Variants in LIMK2 observed in about 807,000 individuals in gnomAD.
LIMK2 encodes LIM domain kinase 2.
LIMK2 carries 35 observed loss-of-function variants against 75.7 expected under a neutral mutation model. The observed-to-expected ratio is 0.46, with a 90% CI of 0.35 to 0.61. The LOEUF is 0.61. Among genes scored for constraint, LIMK2 ranks in the 20% least tolerant of loss-of-function variants. LIMK2 has a pLI of 0.00. For synonymous variants in LIMK2, 301 were observed against 319.2 expected, an observed-to-expected ratio of 0.94 and a Z score of 0.61; for missense variants, 623 against 831.0, an observed-to-expected ratio of 0.75 and a Z score of 3.08.
chr22:31,266,093 G>A lies in LIMK2; in HGVS notation c.1002G>A (p.Gly334=). 1 of 1,614,214 alleles carries A rather than the reference G, an allele frequency of 6.2e-7. No individual in the cohort carries two copies. Among genetic ancestry groups the A allele is most frequent in the African/African-American group, 1.3e-5 (1 of 75,046 alleles). ...QIFRPCDLIH[G]EVLGKGFFGQ... is the part of the protein sequence containing the mutation. ...TCCGGCCCTGTGACCTAATCCATGG[G>A]GAGGTCCTGGGGAAGGGCTTCTTTG... Residue 334 remains glycine, a synonymous_variant, in exon 8 of 16, where the codon GGG becomes GGA. Coordinates refer to ENST00000331728, the MANE Select transcript of LIMK2 (RefSeq NM_005569.4).
At chr22:31,236,707 A>G (rs2123793848) in intron 2 of LIMK2, among the ~76,000 whole-genome samples, 1 of 151,048 alleles carries the variant, frequency 6.6e-6, no homozygotes, top group African/African-American at 2.4e-5. Flanking sequence ...TGAGGTCAGG[A>G]GATCGAGACT....
intron 12 of LIMK2, among the ~76,000 whole-genome samples, 179 bp downstream of exon 12, chr22:31,271,380 A>G (rs1195885252): frequency 6.6e-6 from 1 of 152,144 alleles, no homozygotes; most frequent in Non-Finnish European, 1.5e-5. Context: ...TCCGAGACAC[A>G]CACAGACATA....
intron 2 of LIMK2, among the ~76,000 whole-genome samples, chr22:31,237,396 T>C (rs978097685): frequency 1.3e-5 from 2 of 150,102 alleles, no homozygotes; most frequent in African/African-American, 4.9e-5. Context: ...AAACCTTGTC[T>C]CTACTAAAAT....
chr22:31,251,759 A>G (rs1044313144), intron 2 of LIMK2, among the ~76,000 whole-genome samples: 1 of 152,164 alleles, frequency 6.6e-6, no homozygotes, highest in Non-Finnish European at 1.5e-5. Context: ...TAATAAAGGG[A>G]TTTTTGACTG....
chr22:31,222,845 C>T (rs549647068), intron 1 of LIMK2: 2 of 152,008 alleles, frequency 1.3e-5, no homozygotes, highest in African/African-American at 4.8e-5. Flanking sequence ...GCTGCTGAAG[C>T]GAGAGTACCA....
intron 11 of LIMK2, 120 bp from the exon 12 acceptor site, chr22:31,271,016 G>A: frequency 1.2e-6 from 1 of 834,846 alleles, no homozygotes; most frequent in South Asian, 1.4e-5. Context: ...TGTTGTCCAG[G>A]TTGGGTTCTG....
At chr22:31,213,817 C>CTTTTTTTTTTTTTTT (rs71689139) in intron 1 of LIMK2, among the ~76,000 whole-genome samples, 2 of 145,332 alleles carry the variant, frequency 1.4e-5, no homozygotes, top group Non-Finnish European at 3.0e-5. Flanking sequence ...TTTCCAGTAA[C>CTTTTTTTTTTTTTTT]TTTTTTTTTT....
At chr22:31,213,053 G>C (rs935880117) in intron 1 of LIMK2, among the ~76,000 whole-genome samples, 1 of 152,060 alleles carries the variant, frequency 6.6e-6, no homozygotes, top group Non-Finnish European at 1.5e-5. Flanking sequence ...GGAGAGATCG[G>C]ACCATTCTTT....
intron 5 of LIMK2, 22 bp downstream of exon 5, chr22:31,260,099 C>G (rs2048823958): frequency 5.9e-6 from 9 of 1,530,154 alleles, no homozygotes; most frequent in Non-Finnish European, 7.9e-6. Context: ...GAGAACCCTT[C>G]AGCAGGGGTT....
In LIMK2 at chr22:31,258,131, C is replaced by A. The variant is rs569669508; in HGVS notation, c.117-160C>A. Among the ~76,000 whole-genome samples the A allele has an allele frequency of 7.9e-5, 12 of 152,308 alleles. No individual in the cohort carries two copies. In the South Asian group the frequency reaches 2.5e-3, roughly 32 times the overall value. On this transcript the variant is annotated intron_variant, in intron 2 of 15. Transcript: ENST00000331728. ...TGGGGCCTTGTTCAGTCTGAACCAG[C>A]TTCCCTTGGGGAGATAGCACAAGGC... is the stretch of plus-strand genomic sequence containing the variant.
chr22:31,231,749 G>A (rs1472362172), intron 2 of LIMK2, among the ~76,000 whole-genome samples: 3 of 152,180 alleles, frequency 2.0e-5, no homozygotes, highest in South Asian at 2.1e-4. Context: ...ATAGATAACT[G>A]ATATTAATTA....
At chr22:31,234,701 C>T (rs1014017462) in intron 2 of LIMK2, among the ~76,000 whole-genome samples, 7 of 122,302 alleles carry the variant, frequency 5.7e-5, no homozygotes, top group South Asian at 2.5e-4. Context: ...AGCCTGGTGA[C>T]AGAGTAAGAC....
chr22:31,268,186 A>G lies in LIMK2; in HGVS notation c.1303A>G (p.Ile435Val). ...GCAGAAGGTCAGGTTTGCCAAAGGAATCGCCTCCGGAATGGTGAGTCCCAC... is the reference window on the plus strand; with the variant it reads ...GCAGAAGGTCAGGTTTGCCAAAGGAGTCGCCTCCGGAATGGTGAGTCCCAC... Reference protein sequence around the residue: ...WQQKVRFAKGIASGMAYLHSM... With the variant: ...WQQKVRFAKGVASGMAYLHSM... The change falls in exon 11 of 16, where the codon ATC becomes GTC. Residue 435 changes from isoleucine (I) to valine (V), a missense_variant. Physicochemically the swap from Ile to Val is conservative, Grantham distance 29. Transcript: ENST00000331728. 1 of 1,613,928 alleles carries G rather than the reference A, an allele frequency of 6.2e-7. No individual in the cohort carries two copies. The highest frequency in any genetic ancestry group is 8.5e-7 in the Non-Finnish European group (1 of 1,179,850).
intron 1 of LIMK2, among the ~76,000 whole-genome samples, chr22:31,213,817 C>CTTTTTTTTTTTTTTTTTTTTT (rs71689139): frequency 2.8e-5 from 4 of 145,334 alleles, no homozygotes; most frequent in African/African-American, 2.6e-5. Context: ...TTTCCAGTAA[C>CTTTTTTTTTTTTTTTTTTTTT]TTTTTTTTTT....
intron 2 of LIMK2, among the ~76,000 whole-genome samples, chr22:31,226,907 G>T (rs894125865): frequency 5.9e-5 from 9 of 152,184 alleles, no homozygotes; most frequent in African/African-American, 2.2e-4. Context: ...ACCGCGCCCT[G>T]CCTATAGCTA....
At chr22:31,224,752 A>G (rs2048464331) in intron 1 of LIMK2, among the ~76,000 whole-genome samples, 1 of 152,230 alleles carries the variant, frequency 6.6e-6, no homozygotes, top group African/African-American at 2.4e-5. Flanking sequence ...AAAATCAACA[A>G]CATGAAAGAG....
At chr22:31,248,822 G>A (rs1453410225) in intron 2 of LIMK2, 1 of 1,584,710 alleles carries the variant, frequency 6.3e-7, no homozygotes. Flanking sequence ...CTGGTCCTGA[G>A]AGGAGGGTGG....
At chr22:31,222,597 A>T in intron 1 of LIMK2, 1 of 151,284 alleles carries the variant, frequency 6.6e-6, no homozygotes, top group African/African-American at 2.4e-5. Context: ...CTGGTCTCAA[A>T]CTCCTGACCT....
chr22:31,229,883 C>T (rs946734151), intron 2 of LIMK2, among the ~76,000 whole-genome samples: 1 of 152,154 alleles, frequency 6.6e-6, no homozygotes, highest in African/African-American at 2.4e-5. Context: ...GCAATGGAGG[C>T]CAGTGACAAA....
Sources: gnomAD v4.1 joint callset for allele counts (sites outside exome capture counted in the v4.1 genomes callset) on GRCh38, gnomAD v4.1.1 for gene constraint, MANE v1.5 for transcripts, NCBI Gene and HGNC (gene_info 2026-07-23, HGNC 2026-07-21) for gene names.